TAF3: variants seen among roughly 807,000 people sequenced by gnomAD.
The protein encoded by TAF3 is TATA-box binding protein associated factor 3.
TAF3 carries 7 observed loss-of-function variants against 80.6 expected under a neutral mutation model. That is an observed-to-expected ratio of 0.09 (90% CI 0.05 to 0.16). The LOEUF is 0.16. TAF3 is among the 10% of genes least tolerant of loss of function. The probability of loss-of-function intolerance (pLI) is 1.00; values close to 1 mark genes in which losing one functional copy is unlikely to be tolerated. For missense variants in TAF3, 921 were observed against 1,140.2 expected, an observed-to-expected ratio of 0.81 and a Z score of 2.77; for synonymous variants, 444 against 446.1, an observed-to-expected ratio of 1.00 and a Z score of 0.06.
chr10:7,963,652 C>T (rs962342515), intron 2 of TAF3, among the ~76,000 whole-genome samples: 10 of 152,016 alleles, frequency 6.6e-5, no homozygotes, highest in African/African-American at 2.4e-4. Flanking sequence ...CACATCGGCA[C>T]CTGTTGGGAG....
intron 5 of TAF3, among the ~76,000 whole-genome samples, 194 bp from the exon 6 acceptor site, chr10:8,013,537 G>A (rs959526306): frequency 6.6e-6 from 1 of 152,048 alleles, no homozygotes. Flanking sequence ...AACACTTAGC[G>A]TTTTTCTGTT....
chr10:7,879,689 T>C (rs1837342108), intron 2 of TAF3, among the ~76,000 whole-genome samples: 1 of 152,224 alleles, frequency 6.6e-6, no homozygotes, highest in African/African-American at 2.4e-5. Context: ...ATTGGGTAAC[T>C]CACTTTATTC....
rs550698627 is a variant in TAF3, at chr10:7,999,426, TAAAA to T, written c.2316-9643_2316-9640del. Among the ~76,000 whole-genome samples, 1,293 of 138,408 alleles carry T rather than the reference TAAAA, an allele frequency of 9.3e-3. 6 individuals carry two copies. Among genetic ancestry groups the T allele is most frequent in the Middle Eastern group, 0.056 (15 of 266 alleles). 90.8% of individuals were successfully genotyped at this position (138,408 alleles called of 152,430 possible). A position where few individuals can be genotyped will look rare whatever the true frequency, so the allele number is the denominator to read the frequency against. The stretch of plus-strand genomic sequence containing the variant: ...ACCAACCTTAATGTCTAAAGGCTGT[TAAAA>T]AAAAAAAAGAAAGAAAGAAAGAAAG... On this transcript the variant is annotated intron_variant, in intron 4 of 6. Coordinates refer to ENST00000344293, the MANE Select transcript of TAF3 (RefSeq NM_031923.4).
chr10:8,013,629 G>A, intron 5 of TAF3, 102 bp from the exon 6 acceptor site: 1 of 860,070 alleles, frequency 1.2e-6, no homozygotes, highest in South Asian at 1.6e-5. Flanking sequence ...TAATATGCCT[G>A]TTTATTCGGT....
intron 2 of TAF3, among the ~76,000 whole-genome samples, chr10:7,942,664 A>G (rs1196933273): frequency 6.6e-6 from 1 of 152,236 alleles, no homozygotes; most frequent in Non-Finnish European, 1.5e-5. Flanking sequence ...GGTTGCAAAC[A>G]CAGATCCCAA....
At chr10:7,820,703 C>A (rs1233690834) in intron 1 of TAF3, among the ~76,000 whole-genome samples, 1 of 152,174 alleles carries the variant, frequency 6.6e-6, no homozygotes, top group Non-Finnish European at 1.5e-5. Flanking sequence ...TTATATTGCT[C>A]AGGCTTGTGT....
chr10:7,872,782 C>A (rs1028463388), intron 2 of TAF3, among the ~76,000 whole-genome samples: 3 of 152,128 alleles, frequency 2.0e-5, no homozygotes, highest in Non-Finnish European at 4.4e-5. Context: ...ATACAGATAT[C>A]AAACTACTAA....
intron 2 of TAF3, among the ~76,000 whole-genome samples, chr10:7,881,345 A>G (rs774954692): frequency 2.0e-5 from 3 of 152,152 alleles, no homozygotes; most frequent in Non-Finnish European, 4.4e-5. Flanking sequence ...GTTATATTTC[A>G]ATATCCTAGG....
chr10:7,979,299 G>A (rs1214039994), intron 4 of TAF3, among the ~76,000 whole-genome samples: 4 of 146,772 alleles, frequency 2.7e-5, no homozygotes, highest in Admixed American at 6.8e-5. Flanking sequence ...AGCTGAGATC[G>A]CGCCACTGAA....
chr10:7,917,474 T>C (rs1437075168), intron 2 of TAF3, among the ~76,000 whole-genome samples: 3 of 152,138 alleles, frequency 2.0e-5, no homozygotes, highest in Non-Finnish European at 4.4e-5. Context: ...GAACGGCCGA[T>C]GGATTTGAGA....
At chr10:8,014,594 G>C in intron 6 of TAF3, 43 bp from the exon 7 acceptor site, 2 of 1,519,624 alleles carry the variant, frequency 1.3e-6, no homozygotes, top group African/African-American at 2.8e-5. Context: ...AAGAATAGAT[G>C]TCTGTATAAA....
At chr10:7,885,021 AAGTATAT>A (rs1220052806) in intron 2 of TAF3, among the ~76,000 whole-genome samples, 1 of 151,898 alleles carries the variant, frequency 6.6e-6, no homozygotes, top group East Asian at 1.9e-4. Flanking sequence ...TGTAGTTTGA[AAGTATAT>A]AGTCAAAACT....
At chr10:7,935,583 CAAATAAAT>C (rs929748428) in intron 2 of TAF3, among the ~76,000 whole-genome samples, 1 of 151,790 alleles carries the variant, frequency 6.6e-6, no homozygotes, top group Non-Finnish European at 1.5e-5. Context: ...GACAACGTCT[CAAATAAAT>C]AAATAAATAA....
chr10:7,849,935 C>A (rs1018260141), intron 2 of TAF3, among the ~76,000 whole-genome samples: 2 of 152,148 alleles, frequency 1.3e-5, no homozygotes, highest in African/African-American at 4.8e-5. Context: ...CTCACCTTGG[C>A]CTCCCAAGGT....
chr10:7,887,969 C>T (rs2490303), intron 2 of TAF3, among the ~76,000 whole-genome samples: 43,771 of 151,782 alleles, frequency 0.29, 6,561 homozygotes, highest in African/African-American at 0.37. Context: ...CTTTCCAAGC[C>T]CTTGAATTCA....
At chr10:7,892,567 T>C (rs1359521531) in intron 2 of TAF3, among the ~76,000 whole-genome samples, 1 of 152,160 alleles carries the variant, frequency 6.6e-6, no homozygotes, top group East Asian at 1.9e-4. Flanking sequence ...ACATAGTAAA[T>C]CTTAAACTGG....
chr10:7,899,761 G>T (rs1429240390), intron 2 of TAF3, among the ~76,000 whole-genome samples: 1 of 152,196 alleles, frequency 6.6e-6, no homozygotes, highest in African/African-American at 2.4e-5. Context: ...TGTTTTTGAA[G>T]ATCACGTTAG....
intron 2 of TAF3, among the ~76,000 whole-genome samples, chr10:7,894,389 A>G (rs1343592067): frequency 6.6e-6 from 1 of 152,230 alleles, no homozygotes; most frequent in African/African-American, 2.4e-5. Context: ...CGTTGCCTGC[A>G]TTACGTCTCA....
At chr10:7,966,171 A>G (rs898917317) in intron 3 of TAF3, among the ~76,000 whole-genome samples, 1 of 152,256 alleles carries the variant, frequency 6.6e-6, no homozygotes, top group African/African-American at 2.4e-5. Context: ...TTAAGAGGAC[A>G]GCAAGGCCCG....
Sources: gnomAD v4.1 joint callset for allele counts (sites outside exome capture counted in the v4.1 genomes callset) on GRCh38, gnomAD v4.1.1 for gene constraint, MANE v1.5 for transcripts, NCBI Gene and HGNC (gene_info 2026-07-23, HGNC 2026-07-21) for gene names.